The following GABRA3 variants were observed in gnomAD, a reference collection of about 807,000 sequenced individuals.
GABRA3 encodes gamma-aminobutyric acid type A receptor subunit alpha3, also known as gamma-aminobutyric acid receptor subunit alpha-3.
A neutral mutation model predicts 30.1 loss-of-function variants in GABRA3; 10 were observed. The observed-to-expected ratio is 0.33, with a 90% CI of 0.20 to 0.56. The LOEUF is 0.56. GABRA3 is among the 20% of genes least tolerant of loss of function. The pLI is 0.89. For synonymous variants in GABRA3, 151 were observed against 146.8 expected, an observed-to-expected ratio of 1.03 and a Z score of -0.21; for missense variants, 233 against 392.0, an observed-to-expected ratio of 0.59 and a Z score of 3.42.
At chrX:152,254,832 T>C (rs752591510) in intron 5 of GABRA3, among the ~76,000 whole-genome samples, 16 of 111,559 alleles carry the variant, frequency 1.4e-4, no homozygotes, top group Non-Finnish European at 2.8e-4. Context: ...CTACACAAAA[T>C]TAGCACTCAT....
At chrX:152,370,896 C>A (rs1186335342) in intron 1 of GABRA3, among the ~76,000 whole-genome samples, 3 of 111,199 alleles carry the variant, frequency 2.7e-5, no homozygotes, top group Non-Finnish European at 3.8e-5. Context: ...ACTGATCTTA[C>A]AATCTTAGAA....
At chrX:152,418,755 T>C (rs184671159) in intron 1 of GABRA3, among the ~76,000 whole-genome samples, 2 of 111,734 alleles carry the variant, frequency 1.8e-5, no homozygotes, top group East Asian at 5.7e-4. Context: ...GATCTAGAGC[T>C]AGAAATACCA....
intron 1 of GABRA3, among the ~76,000 whole-genome samples, chrX:152,386,865 C>T (rs1340476226): frequency 9.2e-6 from 1 of 108,555 alleles, no homozygotes; most frequent in Non-Finnish European, 1.9e-5. Flanking sequence ...TATTGTGGCA[C>T]TATTTACAAT....
At chrX:152,345,456 G>T (rs1325221778) in intron 3 of GABRA3, 125 bp downstream of exon 3, 8 of 726,808 alleles carry the variant, frequency 1.1e-5, no homozygotes, top group Admixed American at 3.6e-5. Flanking sequence ...TCATAGGGAA[G>T]AAATTCAGCT....
chrX:152,334,739 C>A (rs1251369369), intron 3 of GABRA3, among the ~76,000 whole-genome samples: 1 of 105,811 alleles, frequency 9.5e-6, no homozygotes, highest in Non-Finnish European at 1.9e-5. Flanking sequence ...GAAAATGCTC[C>A]TATGGGCATA....
intron 1 of GABRA3, among the ~76,000 whole-genome samples, chrX:152,395,190 G>A (rs1026272528): frequency 2.0e-4 from 22 of 111,016 alleles, no homozygotes; most frequent in African/African-American, 7.2e-4. Flanking sequence ...TTGTGTTTGG[G>A]CATGATATAA....
chrX:152,248,453 C>T (rs193248421), intron 5 of GABRA3, among the ~76,000 whole-genome samples: 18 of 110,757 alleles, frequency 1.6e-4, no homozygotes, highest in Middle Eastern at 4.6e-3. Context: ...CAAACTTGCA[C>T]GTTGTGCACA....
intron 4 of GABRA3, among the ~76,000 whole-genome samples, chrX:152,266,187 AC>A (rs1432834792): frequency 1.4e-4 from 16 of 111,840 alleles, no homozygotes; most frequent in African/African-American, 4.9e-4. Context: ...ACATAAAAAA[AC>A]TACAAGACAA....
intron 7 of GABRA3, among the ~76,000 whole-genome samples, chrX:152,199,992 T>G (rs1294966182): frequency 4.5e-5 from 5 of 111,974 alleles, no homozygotes; most frequent in Non-Finnish European, 7.5e-5. Context: ...TAGAGTACTA[T>G]AATAGCTTTC....
chrX:152,214,086 C>T (rs1361897069), intron 6 of GABRA3, among the ~76,000 whole-genome samples: 2 of 110,978 alleles, frequency 1.8e-5, no homozygotes, highest in African/African-American at 6.5e-5. Flanking sequence ...TACCCTCTCA[C>T]CTTTTGGAAT....
intron 3 of GABRA3, among the ~76,000 whole-genome samples, chrX:152,335,030 A>G (rs1479318493): frequency 8.9e-6 from 1 of 111,782 alleles, no homozygotes; most frequent in African/African-American, 3.3e-5. Flanking sequence ...ATTCTAAGCA[A>G]CTTTGGCTGA....
chrX:152,436,740 A>C (rs779604076), intron 1 of GABRA3, among the ~76,000 whole-genome samples: 2 of 111,642 alleles, frequency 1.8e-5, no homozygotes, highest in Non-Finnish European at 3.8e-5. Flanking sequence ...AAGTCATCTA[A>C]ACATGCACCA....
intron 1 of GABRA3, among the ~76,000 whole-genome samples, chrX:152,372,994 G>C (rs748347570): frequency 1.7e-4 from 19 of 111,473 alleles, no homozygotes; most frequent in African/African-American, 4.9e-4. Context: ...TCTTATTTGA[G>C]GTTCATGCCT....
At chrX:152,208,545 C>T (rs746147021) in intron 6 of GABRA3, among the ~76,000 whole-genome samples, 35 of 111,204 alleles carry the variant, frequency 3.1e-4, no homozygotes, top group Non-Finnish European at 6.6e-4. Flanking sequence ...TTTGGATATT[C>T]GACCCCTCCA....
At chrX:152,359,321 C>T (rs1928413602) in intron 2 of GABRA3, among the ~76,000 whole-genome samples, 1 of 110,606 alleles carries the variant, frequency 9.0e-6, no homozygotes. Context: ...TCCATTTCTT[C>T]TAGGTTTTCT....
At chrX:152,317,983 T>C (rs1465052258) in intron 3 of GABRA3, among the ~76,000 whole-genome samples, 1 of 110,147 alleles carries the variant, frequency 9.1e-6, no homozygotes, top group Admixed American at 9.7e-5. Flanking sequence ...GACTATGAAA[T>C]TGAAACAAAA....
chrX:152,219,212 G>C (rs1363762522), intron 6 of GABRA3, among the ~76,000 whole-genome samples: 1 of 110,782 alleles, frequency 9.0e-6, no homozygotes, highest in Non-Finnish European at 1.9e-5. Context: ...TCATCTAGTT[G>C]TATGGCTTTA....
chrX:152,228,355 A>T (rs1198615137), intron 5 of GABRA3, among the ~76,000 whole-genome samples: 1 of 111,889 alleles, frequency 8.9e-6, no homozygotes, highest in Non-Finnish European at 1.9e-5. Context: ...TGGGTTGAGC[A>T]AGAAGTGGAT....
chrX:152,308,689 C>T (rs2067680680), intron 3 of GABRA3, among the ~76,000 whole-genome samples: 1 of 112,322 alleles, frequency 8.9e-6, no homozygotes, highest in African/African-American at 3.2e-5. Flanking sequence ...CACCAGCCCA[C>T]ACAGATGAGA....
Sources: gnomAD v4.1 joint callset for allele counts (sites outside exome capture counted in the v4.1 genomes callset) on GRCh38, gnomAD v4.1.1 for gene constraint, MANE v1.5 for transcripts, NCBI Gene and HGNC (gene_info 2026-07-23, HGNC 2026-07-21) for gene names.